CFAP54: variants seen among roughly 807,000 people sequenced by gnomAD.
CFAP54 encodes cilia and flagella associated protein 54.
In CFAP54, 290 loss-of-function variants were observed where a neutral mutation model predicts 370.4. The observed-to-expected ratio is 0.78, with a 90% CI of 0.71 to 0.86. The LOEUF (loss-of-function observed/expected upper bound fraction) is 0.86. Among genes scored for constraint, CFAP54 ranks in the 40% least tolerant of loss-of-function variants. The pLI is 0.00. For synonymous variants in CFAP54, 1,206 were observed against 1,236.5 expected, an observed-to-expected ratio of 0.98 and a Z score of 0.52; for missense variants, 3,399 against 3,528.7, an observed-to-expected ratio of 0.96 and a Z score of 0.93.
chr12:96,816,145 A>G (rs1169569903), intron 64 of CFAP54, among the ~76,000 whole-genome samples: 3 of 152,200 alleles, frequency 2.0e-5, no homozygotes, highest in African/African-American at 4.8e-5. Context: ...TCTATGAATT[A>G]CTTTGGGCAG....
At chr12:96,752,167 C>T (rs1958194349) in intron 55 of CFAP54, among the ~76,000 whole-genome samples, 1 of 144,844 alleles carries the variant, frequency 6.9e-6, no homozygotes, top group South Asian at 2.2e-4. Flanking sequence ...ATTCACATAG[C>T]ACATGCCTGA....
intron 26 of CFAP54, among the ~76,000 whole-genome samples, chr12:96,610,551 G>A (rs542722282): frequency 1.3e-5 from 2 of 152,274 alleles, no homozygotes; most frequent in South Asian, 4.1e-4. Context: ...TCGGACAGTG[G>A]GTGCAGCCCA....
intron 38 of CFAP54, among the ~76,000 whole-genome samples, chr12:96,661,864 A>G (rs931922397): frequency 5.3e-5 from 8 of 152,172 alleles, no homozygotes; most frequent in Admixed American, 3.9e-4. Flanking sequence ...TTCTTAGATG[A>G]AGAATACAAT....
At chr12:96,586,539 C>T (rs1487521827) in intron 22 of CFAP54, among the ~76,000 whole-genome samples, 1 of 152,112 alleles carries the variant, frequency 6.6e-6, no homozygotes, top group Non-Finnish European at 1.5e-5. Flanking sequence ...GAATGGCTCT[C>T]TGGGGGAAGA....
rs535395525 is a variant in CFAP54 at position 96,579,700 on chromosome 12, C to T, written c.2797-897C>T. Among the ~76,000 whole-genome samples, 28 of 152,170 alleles carry T rather than the reference C, an allele frequency of 1.8e-4. No individual in the cohort carries two copies. In the East Asian group the frequency reaches 5.0e-3, roughly 27 times the overall value. On this transcript the variant is annotated intron_variant, in intron 20 of 67. Transcript: ENST00000524981. ...GTATGGCTTGTTCATAATACTACCC[C>T]GTCAGGTGTCACCTAGCTCCCTTTT...
intron 8 of CFAP54, among the ~76,000 whole-genome samples, chr12:96,524,375 G>A (rs1034178971): frequency 1.3e-5 from 2 of 152,268 alleles, no homozygotes; most frequent in Middle Eastern, 3.4e-3. Context: ...AGGATGAAAT[G>A]AGTTACATGT....
chr12:96,762,790 T>TA (rs1958354028), intron 58 of CFAP54, among the ~76,000 whole-genome samples: 1 of 152,106 alleles, frequency 6.6e-6, no homozygotes, highest in Non-Finnish European at 1.5e-5. Context: ...TTCTTTTTTT[T>TA]ATCTTGGAAT....
rs1259535526 is a variant in CFAP54, at chr12:96,504,115, T to C, written c.567+86T>C. The C allele has an allele frequency of 4.6e-6, 6 of 1,300,580 alleles. No individual in the cohort carries two copies. The Admixed American group carries it at 1.6e-4, about 34-fold the overall frequency. The allele number at this position is 1,300,580 out of a possible 1,614,324, so 80.6% of individuals were successfully genotyped here. A position where few individuals can be genotyped will look rare whatever the true frequency, so the allele number is the denominator to read the frequency against. ...TAGTTGACAGCTTCTAAATGTCTTG[T>C]TGGCTTAGCATAGCATCTAGCTGTG... On this transcript the variant is annotated intron_variant, in intron 3 of 67. Transcript: ENST00000524981.
intron 25 of CFAP54, among the ~76,000 whole-genome samples, chr12:96,597,827 A>C (rs1298089960): frequency 6.6e-6 from 1 of 151,892 alleles, no homozygotes; most frequent in African/African-American, 2.4e-5. Flanking sequence ...ACATGTATGT[A>C]TTTATATTTA....
chr12:96,856,824 C>T (rs1262595266), intron 66 of CFAP54, among the ~76,000 whole-genome samples: 1 of 151,978 alleles, frequency 6.6e-6, no homozygotes, highest in Non-Finnish European at 1.5e-5. Context: ...GTCATTTCCA[C>T]ATTTTCAGGT....
intron 50 of CFAP54, among the ~76,000 whole-genome samples, chr12:96,726,743 T>C (rs1047910568): frequency 6.6e-6 from 1 of 152,132 alleles, no homozygotes; most frequent in South Asian, 2.1e-4. Flanking sequence ...ACTCTTGCTT[T>C]TCTAGTTCTT....
intron 50 of CFAP54, among the ~76,000 whole-genome samples, chr12:96,728,308 G>T (rs1326130701): frequency 1.3e-5 from 2 of 152,144 alleles, no homozygotes. Flanking sequence ...TCACTTTCAG[G>T]TACACCAATC....
At chr12:96,544,074 C>A (rs1955609348) in intron 14 of CFAP54, among the ~76,000 whole-genome samples, 1 of 152,118 alleles carries the variant, frequency 6.6e-6, no homozygotes, top group Non-Finnish European at 1.5e-5. Context: ...CATCCTAAAT[C>A]CATGTTTTGG....
chr12:96,746,553 C>T (rs976245824), intron 55 of CFAP54, among the ~76,000 whole-genome samples: 1 of 152,164 alleles, frequency 6.6e-6, no homozygotes, highest in Admixed American at 6.5e-5. Flanking sequence ...CTGCATTCTC[C>T]CAATTTTCCA....
chr12:96,506,838 T>G, intron 3 of CFAP54, 90 bp from the exon 4 acceptor site: 1 of 1,145,562 alleles, frequency 8.7e-7, no homozygotes, highest in Non-Finnish European at 1.2e-6. Context: ...TTGCCCACCT[T>G]GGCCTCCCTA....
chr12:96,592,367 C>G, intron 23 of CFAP54, 123 bp from the exon 24 acceptor site: 1 of 350,180 alleles, frequency 2.9e-6, no homozygotes, highest in Non-Finnish European at 5.2e-6. Context: ...AATAGCTGTT[C>G]TAAATACTTT....
chr12:96,551,485 A>ATGTGTGTGTGTGTGTGTG (rs10582056), intron 15 of CFAP54, among the ~76,000 whole-genome samples: 4 of 143,776 alleles, frequency 2.8e-5, no homozygotes, highest in African/African-American at 1.0e-4. Flanking sequence ...TTGAATGGGT[A>ATGTGTGTGTGTGTGTGTG]TGTGTGTGTG....
At chr12:96,844,756 C>T (rs757001810) in intron 66 of CFAP54, among the ~76,000 whole-genome samples, 5 of 152,132 alleles carry the variant, frequency 3.3e-5, no homozygotes, top group Non-Finnish European at 7.4e-5. Flanking sequence ...CACACCTGGG[C>T]ACTCCCCCAG....
chr12:96,817,175 A>G (rs1958984118), intron 64 of CFAP54, among the ~76,000 whole-genome samples: 1 of 151,914 alleles, frequency 6.6e-6, no homozygotes, highest in African/African-American at 2.4e-5. Context: ...TATTTTCTTT[A>G]TTTTCATCTT....
Sources: gnomAD v4.1 joint callset for allele counts (sites outside exome capture counted in the v4.1 genomes callset) on GRCh38, gnomAD v4.1.1 for gene constraint, MANE v1.5 for transcripts, NCBI Gene and HGNC (gene_info 2026-07-23, HGNC 2026-07-21) for gene names.